Variants in RGS8 observed in about 807,000 individuals in gnomAD.
The protein encoded by RGS8 is regulator of G protein signaling 8.
RGS8 carries 8 observed loss-of-function variants against 21.7 expected under a neutral mutation model. The observed-to-expected ratio is 0.37, with a 90% CI of 0.22 to 0.66. RGS8 has a LOEUF of 0.66. Ranked by LOEUF, RGS8 falls within the 30% of genes least tolerant of loss-of-function variation. The pLI, the probability that RGS8 is intolerant of heterozygous loss-of-function variation, is 0.59. For missense variants in RGS8, 157 were observed against 217.9 expected, an observed-to-expected ratio of 0.72 and a Z score of 1.76; for synonymous variants, 80 against 83.6, an observed-to-expected ratio of 0.96 and a Z score of 0.24.
At chr1:182,672,783 T>C (rs1432455965), upstream of RGS8, 6 of 1,613,446 alleles carry the variant, frequency 3.7e-6, no homozygotes, top group African/African-American at 1.3e-5. Context: ...TATTTTTCTG[T>C]CTTTTCCATT....
chr1:182,680,690 C>T (rs1664508868), intron 1 of RGS8, among the ~76,000 whole-genome samples: 1 of 152,200 alleles, frequency 6.6e-6, no homozygotes, highest in South Asian at 2.1e-4. Flanking sequence ...AGGTCCCAGG[C>T]ATGGGTACAT....
At chr1:182,749,128 G>T in the RGS8 span, among the ~76,000 whole-genome samples, 2 of 152,088 alleles carry the variant, frequency 1.3e-5, no homozygotes, top group African/African-American at 2.4e-5. Context: ...TACATTTGTT[G>T]TCTGTACTTT....
the RGS8 span, among the ~76,000 whole-genome samples, chr1:182,736,839 GA>G: frequency 1.3e-5 from 2 of 152,198 alleles, no homozygotes; most frequent in Admixed American, 1.3e-4. Context: ...TCACTTGGAT[GA>G]ACCAGCTGCC....
At chr1:182,743,987 T>C in the RGS8 span, among the ~76,000 whole-genome samples, 2 of 152,322 alleles carry the variant, frequency 1.3e-5, no homozygotes, top group Admixed American at 6.5e-5. Flanking sequence ...CTTGTTCACA[T>C]GTTTGTTATC....
At chr1:182,655,895 A>G (rs964892895) in intron 5 of RGS8, among the ~76,000 whole-genome samples, 1 of 152,120 alleles carries the variant, frequency 6.6e-6, no homozygotes, top group African/African-American at 2.4e-5. Flanking sequence ...CAATCCTTAC[A>G]TCAACGCTCC....
chr1:182,735,086 T>A, the RGS8 span, among the ~76,000 whole-genome samples: 29 of 152,356 alleles, frequency 1.9e-4, no homozygotes, highest in African/African-American at 6.5e-4. Flanking sequence ...ACTGACAACA[T>A]GTCTCTCTTC....
At chr1:182,704,047 T>C in the RGS8 span, among the ~76,000 whole-genome samples, 144 of 152,386 alleles carry the variant, frequency 9.4e-4, no homozygotes, top group African/African-American at 3.3e-3. Context: ...GCAATAAAGA[T>C]TTCACTATAG....
intron 5 of RGS8, among the ~76,000 whole-genome samples, chr1:182,653,649 G>A (rs544411084): frequency 6.1e-4 from 93 of 152,144 alleles, no homozygotes; most frequent in African/African-American, 2.2e-3. Flanking sequence ...AGCCAAGATC[G>A]CACCACTGCA....
At chr1:182,654,443 C>A (rs1460323368) in intron 5 of RGS8, among the ~76,000 whole-genome samples, 1 of 152,222 alleles carries the variant, frequency 6.6e-6, no homozygotes. Flanking sequence ...TCAAGTCAAA[C>A]AGCCTTAATC....
At chr1:182,730,364 G>A in the RGS8 span, among the ~76,000 whole-genome samples, 2 of 151,976 alleles carry the variant, frequency 1.3e-5, no homozygotes, top group African/African-American at 2.4e-5. Context: ...ACACCCTATC[G>A]CACTAGGAGG....
chr1:182,656,452 G>C (rs1005224613), intron 5 of RGS8, among the ~76,000 whole-genome samples: 2 of 152,204 alleles, frequency 1.3e-5, no homozygotes, highest in Non-Finnish European at 2.9e-5. Context: ...CCTGCCTAAA[G>C]TCTCTTCTCT....
intron 5 of RGS8, among the ~76,000 whole-genome samples, chr1:182,655,799 G>A (rs1280015725): frequency 9.1e-6 from 1 of 109,758 alleles, no homozygotes; most frequent in Non-Finnish European, 2.1e-5. Flanking sequence ...GATTTTCACA[G>A]CTCCACAATT....
chr1:182,689,264 GACAC>G (rs34000229), upstream of RGS8, among the ~76,000 whole-genome samples: 17,444 of 125,610 alleles, frequency 0.14, 1,079 homozygotes, highest in Non-Finnish European at 0.19. Flanking sequence ...CACACACACA[GACAC>G]ACACACACAC....
At chr1:182,689,044 G>A (rs1446693861), upstream of RGS8, among the ~76,000 whole-genome samples, 3 of 152,172 alleles carry the variant, frequency 2.0e-5, no homozygotes, top group Admixed American at 6.5e-5. Flanking sequence ...GGTAGTAACC[G>A]AAAACTAACA....
the RGS8 span, among the ~76,000 whole-genome samples, chr1:182,723,688 G>C: frequency 7.2e-3 from 1,102 of 152,212 alleles, 13 homozygotes; most frequent in Non-Finnish European, 8.0e-3. Context: ...GGAAGCCCAG[G>C]TCCTTGGGGG....
downstream of RGS8, chr1:182,642,446 G>C (rs1662507945): frequency 6.6e-6 from 1 of 152,376 alleles, no homozygotes; most frequent in Admixed American, 6.5e-5. Context: ...GGACATCCTT[G>C]TTGCTGGGAG....
chr1:182,733,720 G>C, the RGS8 span: 1 of 151,914 alleles, frequency 6.6e-6, no homozygotes, highest in East Asian at 1.9e-4. Flanking sequence ...AGGAGACACA[G>C]GCAGACCCAA....
intron 5 of RGS8, among the ~76,000 whole-genome samples, chr1:182,662,820 C>T (rs1490096057): frequency 6.6e-6 from 1 of 152,214 alleles, no homozygotes; most frequent in Non-Finnish European, 1.5e-5. Context: ...CATCTTTGTG[C>T]TTCCCCTCCT....
At chr1:182,669,829 TCCGC>T (rs755261324) in intron 2 of RGS8, 77 bp from the exon 4 acceptor site, 24 of 1,432,370 alleles carry the variant, frequency 1.7e-5, no homozygotes, top group Non-Finnish European at 2.2e-5. Context: ...CAGACGGGTT[TCCGC>T]CAGCGGAACA....
Sources: allele counts gnomAD v4.1 joint callset (sites outside exome capture counted in the v4.1 genomes callset), GRCh38; gene constraint gnomAD v4.1.1; transcripts MANE v1.5; gene names NCBI Gene and HGNC (gene_info 2026-07-23, HGNC 2026-07-21).